CMYA5: variants seen among roughly 807,000 people sequenced by gnomAD.
The protein encoded by CMYA5 is cardiomyopathy-associated protein 5.
A neutral mutation model predicts 318.9 loss-of-function variants in CMYA5; 246 were observed. That is an observed-to-expected ratio of 0.77 (90% CI 0.70 to 0.86). The LOEUF (loss-of-function observed/expected upper bound fraction) is 0.86. Ranked by LOEUF, CMYA5 falls within the 40% of genes least tolerant of loss-of-function variation. The probability of loss-of-function intolerance (pLI) is 0.00; values close to 1 mark genes in which losing one functional copy is unlikely to be tolerated. For synonymous variants in CMYA5, 1,641 were observed against 1,729.5 expected (o/e 0.95, Z 1.27); for missense variants, 4,589 against 4,678.2 (o/e 0.98, Z 0.56).
intron 1 of CMYA5, among the ~76,000 whole-genome samples, chr5:79,723,785 AAAAG>A (rs1421905293): frequency 1.3e-5 from 2 of 151,714 alleles, no homozygotes; most frequent in East Asian, 1.9e-4. Context: ...TGAAAAAAAA[AAAAG>A]AAAAGAAAAG....
At chr5:79,794,885 C>A (rs1258707938) in intron 12 of CMYA5, among the ~76,000 whole-genome samples, 3 of 152,112 alleles carry the variant, frequency 2.0e-5, no homozygotes, top group Admixed American at 2.0e-4. Flanking sequence ...CAAGTCAGAG[C>A]AATTATGATT....
At chr5:79,705,607 A>T (rs1418973164) in intron 1 of CMYA5, among the ~76,000 whole-genome samples, 2 of 152,178 alleles carry the variant, frequency 1.3e-5, no homozygotes, top group Admixed American at 1.3e-4. Flanking sequence ...TTTAAACTTG[A>T]TTGAACAGAG....
rs551706078 is a variant in CMYA5 at position 79,731,797 on chromosome 5, T to A, written c.3032T>A (p.Phe1011Tyr). ...DSASQVSIPPFRISETEKNEL... is the reference protein window; with the variant it reads ...DSASQVSIPPYRISETEKNEL... ...GCATCACAAGTTTCAATCCCTCCCT[T>A]TAGAATCTCAGAAACAGAGAAAAAT... Residue 1011 changes from phenylalanine (F) to tyrosine (Y), a missense_variant, in exon 2 of 13, where the codon TTT becomes TAT. Phe to Tyr is a conservative substitution (Grantham distance 22). Coordinates refer to ENST00000446378, the MANE Select transcript of CMYA5 (RefSeq NM_153610.5). 6.2e-7 allele frequency: 1 copy of A among 1,612,996 alleles called. No individual in the cohort carries two copies. Among genetic ancestry groups the A allele is most frequent in the Admixed American group, 1.7e-5 (1 of 59,872 alleles).
chr5:79,787,225 G>A (rs541546712), intron 9 of CMYA5, among the ~76,000 whole-genome samples: 7 of 148,806 alleles, frequency 4.7e-5, no homozygotes, highest in East Asian at 4.0e-4. Flanking sequence ...TCCCACCCCC[G>A]CCTCCTCAAC....
intron 5 of CMYA5, 134 bp downstream of exon 5, chr5:79,747,247 G>T (rs1828347668): frequency 5.6e-6 from 4 of 717,626 alleles, no homozygotes; most frequent in Non-Finnish European, 4.2e-6. Flanking sequence ...TTCACTTTTA[G>T]ACACAGTGCT....
At chr5:79,691,491 G>T (rs1008286357) in intron 1 of CMYA5, among the ~76,000 whole-genome samples, 1 of 152,232 alleles carries the variant, frequency 6.6e-6, no homozygotes, top group Admixed American at 6.5e-5. Context: ...GATGTGATTT[G>T]TCTGCAGTAA....
intron 1 of CMYA5, among the ~76,000 whole-genome samples, chr5:79,700,968 G>A (rs888751326): frequency 6.6e-6 from 1 of 151,764 alleles, no homozygotes; most frequent in Non-Finnish European, 1.5e-5. Flanking sequence ...CTTAGGGCTG[G>A]GCGCAGTGGC....
chr5:79,695,265 A>G (rs1268567118), intron 1 of CMYA5, among the ~76,000 whole-genome samples: 1 of 152,232 alleles, frequency 6.6e-6, no homozygotes, highest in Non-Finnish European at 1.5e-5. Flanking sequence ...GCATTATCCT[A>G]TAGAAATATA....
rs1826925667 is a variant in CMYA5, at chr5:79,690,026, C to T, written c.119C>T (p.Ala40Val). The T allele has an allele frequency of 6.8e-7, 1 of 1,472,590 alleles. No homozygotes were observed. Among genetic ancestry groups the T allele is most frequent in the Non-Finnish European group, 9.0e-7 (1 of 1,106,812 alleles). 91.2% of individuals were successfully genotyped at this position (1,472,590 alleles called of 1,614,324 possible). A position where few individuals can be genotyped will look rare whatever the true frequency, so the allele number is the denominator to read the frequency against. The part of the protein sequence containing the change: ...EESEGEEDET[A>V]AESEEEPDSR... ...TCGGAGGGCGAGGAGGACGAGACGG[C>T]GGCGGAGTCGGAGGAGGAGCCGGAC... is the stretch of plus-strand genomic sequence containing the variant. The change falls in exon 1 of 13, where the codon GCG becomes GTG. Residue 40 changes from alanine to valine, a missense_variant. Physicochemically the swap from Ala to Val is moderately conservative, Grantham distance 64. Transcript: ENST00000446378.
intron 6 of CMYA5, among the ~76,000 whole-genome samples, chr5:79,757,430 A>G (rs1828552411): frequency 6.6e-6 from 1 of 152,220 alleles, no homozygotes; most frequent in African/African-American, 2.4e-5. Context: ...CAACGGAGTT[A>G]TACTAGGTGT....
At chr5:79,791,204 G>C (rs1007021511) in intron 11 of CMYA5, 135 bp downstream of exon 11, 3 of 638,956 alleles carry the variant, frequency 4.7e-6, no homozygotes, top group Non-Finnish European at 8.5e-6. Context: ...AAATATCAAT[G>C]TGTGCACATC....
At position 79,770,028 on chromosome 5, in the gene CMYA5, C is replaced by T. The variant is rs183933228; in HGVS notation, c.11555+6819C>T. 3.2e-3 allele frequency among the ~76,000 whole-genome samples: 486 copies of T among 152,320 alleles called. 1 individual carries two copies. Among genetic ancestry groups the T allele is most frequent in the African/African-American group, 0.011 (462 of 41,580 alleles). ...GAGAGGAGGAATCTAGAGAGGCAGT[C>T]GGGCTAGAGTGGCTTTGCTGAGCTG... On this transcript the variant is annotated intron_variant, in intron 9 of 12. Transcript: ENST00000446378.
rs761990371 is a variant in CMYA5 at position 79,736,295 on chromosome 5, C to G, written c.7530C>G (p.Ala2510=). 5.0e-6 allele frequency: 8 copies of G among 1,613,140 alleles called. No homozygotes were observed. Among genetic ancestry groups the G allele is most frequent in the Non-Finnish European group, 1.7e-6 (2 of 1,179,660 alleles). ...SRSTELKESK[A]DAMPQHFYQN... is the part of the protein sequence containing the mutation. ...CTACTGAACTGAAAGAATCAAAAGCCGATGCTATGCCACAGCACTTCTATC... is the reference window on the plus strand; with the variant it reads ...CTACTGAACTGAAAGAATCAAAAGCGGATGCTATGCCACAGCACTTCTATC... Residue 2510 remains alanine (A), a synonymous_variant, in exon 2 of 13, where the codon GCC becomes GCG. Transcript: ENST00000446378.
rs760625374 is a variant in CMYA5, at chr5:79,738,628, C to A, written c.9863C>A (p.Thr3288Asn). 6.2e-7 allele frequency: 1 copy of A among 1,613,838 alleles called. No individual in the cohort carries two copies. The change falls in exon 2 of 13, where the codon ACT (threonine) becomes AAT (asparagine). Residue 3288 changes from threonine (T) to asparagine (N), a missense_variant. By Grantham distance (65) the Thr-to-Asn change is moderately conservative. Around this residue, in one of 3 missense-constraint regions of CMYA5, gnomAD observed 2,431 missense variants for 2,495.1 expected, o/e 0.97. Transcript: ENST00000446378. ...AEGEIWGKFG[T>N]ICREKSLEEQ... ...GGGGAAATTTGGGGAAAGTTTGGAA[C>A]TATTTGCAGGGAGAAGAGTCTGGAA...
At chr5:79,728,653 T>C (rs1007646347) in intron 1 of CMYA5, among the ~76,000 whole-genome samples, 1 of 152,132 alleles carries the variant, frequency 6.6e-6, no homozygotes, top group African/African-American at 2.4e-5. Flanking sequence ...TGAGAGAAGG[T>C]GGTAAATTTA....
intron 1 of CMYA5, among the ~76,000 whole-genome samples, chr5:79,702,137 GCAGTGGCTCA>G (rs946535227): frequency 9.9e-5 from 15 of 152,048 alleles, no homozygotes; most frequent in African/African-American, 3.6e-4. Flanking sequence ...TGGGCTGGGT[GCAGTGGCTCA>G]CACCTGTAAT....
Position 79,762,789 on chromosome 5 carries a change from T to C in CMYA5, c.11408-273T>C, listed in dbSNP as rs576268826. ...AAGAATCTTTATTTTGATTTGCTTG[T>C]ATATGTATAAAGAAAGTCTAGTGGG... On this transcript the variant is annotated intron_variant, in intron 8 of 12. Transcript: ENST00000446378. 7.8e-6 allele frequency: 3 copies of C among 385,710 alleles called. No individual in the cohort carries two copies. The South Asian group carries it at 1.6e-4, about 21-fold the overall frequency. 23.9% of individuals were successfully genotyped at this position (385,710 alleles called of 1,614,324 possible).
In CMYA5 at chr5:79,734,025, G is replaced by T. The variant is rs770826759; in HGVS notation, c.5260G>T (p.Glu1754Ter). 5.0e-6 allele frequency: 8 copies of T among 1,613,690 alleles called. No individual in the cohort carries two copies. The highest frequency in any genetic ancestry group is 5.1e-6 in the Non-Finnish European group (6 of 1,179,850). ...FTFSLKGLSE[E>*]VSHPADFKKG... The stretch of plus-strand genomic sequence containing the variant: ...TTTTTCTTTAAAAGGATTATCAGAG[G>T]AGGTTAGCCATCCAGCCGACTTTAA... The change falls in exon 2 of 13, where the codon GAG (glutamate) becomes TAG (stop). Residue 1754 changes from glutamate (E) to a stop codon, truncating the protein, a stop_gained. Coordinates refer to ENST00000446378, the MANE Select transcript of CMYA5 (RefSeq NM_153610.5). LOFTEE classifies it high-confidence loss of function.
rs1308081678 is a variant in CMYA5 at position 79,737,357 on chromosome 5, A to G, written c.8592A>G (p.Gln2864=). The part of the protein sequence containing the change: ...SKDDTSDVPK[Q]SVLVSKHHLE... ...ATGACACATCCGATGTGCCTAAACA[A>G]TCTGTTCTTGTTTCAAAGCACCACT... Residue 2864 remains glutamine, a synonymous_variant, in exon 2 of 13, where the codon CAA becomes CAG. Transcript: ENST00000446378. The G allele has an allele frequency of 3.1e-6, 5 of 1,613,798 alleles. No individual in the cohort carries two copies. Among genetic ancestry groups the G allele is most frequent in the Non-Finnish European group, 8.5e-7 (1 of 1,179,810 alleles).
Sources: allele counts gnomAD v4.1 joint callset (sites outside exome capture counted in the v4.1 genomes callset), GRCh38; gene constraint gnomAD v4.1.1; regional missense constraint gnomAD v4.1.1; transcripts MANE v1.5; gene names NCBI Gene and HGNC (gene_info 2026-07-23, HGNC 2026-07-21).